The following MCF2 variants were observed in gnomAD, a reference collection of about 807,000 sequenced individuals.
MCF2 encodes the protein MCF.2 cell line derived transforming sequence.
A neutral mutation model predicts 82.5 loss-of-function variants in MCF2; 44 were observed. The ratio of observed to expected loss-of-function variants is 0.53; its 90% CI spans 0.42 to 0.69. The LOEUF is 0.69. MCF2 is among the 30% of genes least tolerant of loss of function. The probability of loss-of-function intolerance (pLI) is 0.00; values close to 1 mark genes in which losing one functional copy is unlikely to be tolerated. For missense variants in MCF2, 623 were observed against 663.1 expected, an observed-to-expected ratio of 0.94 and a Z score of 0.66; for synonymous variants, 217 against 224.9, an observed-to-expected ratio of 0.96 and a Z score of 0.32.
intron 10 of MCF2, 125 bp downstream of exon 13, chrX:139,614,756 G>T: frequency 1.6e-6 from 1 of 629,597 alleles, no homozygotes; most frequent in Non-Finnish European, 2.5e-6. Flanking sequence ...ATATAAATAT[G>T]ACCAAAGATG....
chrX:139,705,236 C>T (rs1457423192), intron 1 of MCF2, among the ~76,000 whole-genome samples: 2 of 111,942 alleles, frequency 1.8e-5, no homozygotes, highest in East Asian at 5.6e-4. Context: ...TTGCTTGAAT[C>T]CAGGGGCATA....
chrX:139,657,819 G>A (rs1934239604), intron 1 of MCF2, among the ~76,000 whole-genome samples: 1 of 111,729 alleles, frequency 9.0e-6, no homozygotes, highest in Non-Finnish European at 1.9e-5. Flanking sequence ...AAGACAAACA[G>A]AAAGCAAGAG....
intron 1 of MCF2, among the ~76,000 whole-genome samples, chrX:139,706,159 G>T (rs1935586099): frequency 8.9e-6 from 1 of 112,560 alleles, no homozygotes; most frequent in African/African-American, 3.2e-5. Flanking sequence ...AAGCAGTCTG[G>T]AGATTTCTGA....
chrX:139,595,060 T>C (rs1330171163), intron 19 of MCF2, among the ~76,000 whole-genome samples: 75 of 109,462 alleles, frequency 6.9e-4, no homozygotes, highest in African/African-American at 2.2e-3. Context: ...TGGCAATCAT[T>C]AAAAAGTCAG....
chrX:139,650,789 C>G (rs1414111381), intron 2 of MCF2, among the ~76,000 whole-genome samples: 1 of 111,921 alleles, frequency 8.9e-6, no homozygotes, highest in Non-Finnish European at 1.9e-5. Context: ...ACCAAAGTAT[C>G]TATCAATGGA....
chrX:139,668,912 C>T (rs1934603573), intron 1 of MCF2, among the ~76,000 whole-genome samples: 1 of 110,728 alleles, frequency 9.0e-6, no homozygotes, highest in East Asian at 2.8e-4. Context: ...GGATCAAACA[C>T]CAAAATGTAG....
chrX:139,650,527 C>T (rs974239226), intron 2 of MCF2, among the ~76,000 whole-genome samples: 16 of 103,124 alleles, frequency 1.6e-4, no homozygotes, highest in Middle Eastern at 5.0e-3. Flanking sequence ...AAGAAGCATT[C>T]GTCTTTATAA....
At chrX:139,632,166 T>C (rs1932958111) in intron 2 of MCF2, among the ~76,000 whole-genome samples, 169 bp downstream of exon 5, 1 of 111,488 alleles carries the variant, frequency 9.0e-6, no homozygotes, top group Non-Finnish European at 1.9e-5. Context: ...CGATTTCTTT[T>C]TCAAATGGTA....
intron 1 of MCF2, among the ~76,000 whole-genome samples, chrX:139,634,312 AGTTTATGGGAACTCTCT>A (rs1298393642): frequency 8.9e-6 from 1 of 112,033 alleles, no homozygotes; most frequent in African/African-American, 3.2e-5. Context: ...TGGGGCAAGG[AGTTTATGGGAACTCTCT>A]GTACTTCCTG....
At chrX:139,632,223 ATTTT>A in intron 2 of MCF2, 108 bp downstream of exon 5, 4 of 504,196 alleles carry the variant, frequency 7.9e-6, no homozygotes, top group Non-Finnish European at 8.2e-6. Context: ...TTTAAAAGAC[ATTTT>A]AATTTTTTTC....
chrX:139,650,473 T>G (rs1933961121), intron 2 of MCF2, among the ~76,000 whole-genome samples: 1 of 106,091 alleles, frequency 9.4e-6, no homozygotes, highest in African/African-American at 3.4e-5. Context: ...TTCAGAGAAT[T>G]AATTAAACTA....
At position 139,692,000 on chromosome X, in the gene MCF2, G is replaced by A. The variant is rs775639450; in HGVS notation, c.-45+16106C>T. 3.6e-5 allele frequency: 42 copies of A among 1,164,177 alleles called. No homozygotes were observed. The Middle Eastern group carries it at 7.0e-4, about 19-fold the overall frequency. ...TCACGCGCTGCAGGGCCATGGCCAT[G>A]TCCACCTGCAGAGGGATCGCCTGGG... On this transcript the variant is annotated intron_variant, in intron 1 of 27. Coordinates refer to the MCF2 transcript ENST00000414978.
intron 1 of MCF2, among the ~76,000 whole-genome samples, chrX:139,677,763 A>G (rs1048605692): frequency 5.3e-5 from 6 of 112,264 alleles, no homozygotes; most frequent in Non-Finnish European, 1.1e-4. Context: ...TGAACGTCTA[A>G]GTTTGAAAAA....
chrX:139,614,934 G>C, exon 10 of MCF2: 1 of 1,209,800 alleles, frequency 8.3e-7, no homozygotes, highest in Non-Finnish European at 1.1e-6. Context: ...TTCAGGTGTG[G>C]GTACCACAAA....
intron 1 of MCF2, among the ~76,000 whole-genome samples, chrX:139,652,765 C>A (rs1000227498): frequency 2.7e-5 from 3 of 110,976 alleles, no homozygotes; most frequent in Non-Finnish European, 5.7e-5. Flanking sequence ...ACACAAAGTG[C>A]CTTCAAAGTC....
chrX:139,664,870 G>A (rs1487282575), intron 1 of MCF2, among the ~76,000 whole-genome samples: 2 of 111,328 alleles, frequency 1.8e-5, no homozygotes, highest in Non-Finnish European at 3.8e-5. Flanking sequence ...AGGGCCCAAG[G>A]TCTCTTTAGT....
intron 19 of MCF2, among the ~76,000 whole-genome samples, chrX:139,592,815 C>T (rs374327360): frequency 1.6e-4 from 18 of 111,481 alleles, no homozygotes; most frequent in African/African-American, 4.9e-4. Flanking sequence ...CTTTTTGACC[C>T]GACCCTGGGC....
intron 1 of MCF2, among the ~76,000 whole-genome samples, chrX:139,681,422 AG>A (rs1185515199): frequency 8.9e-6 from 1 of 112,181 alleles, no homozygotes; most frequent in African/African-American, 3.2e-5. Flanking sequence ...GTCTACTATA[AG>A]CCCATTAAGA....
At chrX:139,650,068 G>A (rs1933941439) in intron 2 of MCF2, among the ~76,000 whole-genome samples, 1 of 112,132 alleles carries the variant, frequency 8.9e-6, no homozygotes, top group African/African-American at 3.2e-5. Context: ...TAAAAGCAGA[G>A]GCCAGGCTGG....
Sources: gnomAD v4.1 joint callset for allele counts (sites outside exome capture counted in the v4.1 genomes callset) on GRCh38, gnomAD v4.1.1 for gene constraint, MANE v1.5 for transcripts, NCBI Gene and HGNC (gene_info 2026-07-23, HGNC 2026-07-21) for gene names.